Variants in KCNH7 observed in about 807,000 individuals in gnomAD.
KCNH7 encodes potassium voltage-gated channel subfamily H member 7.
Under a neutral mutation model 120.8 loss-of-function variants are expected in KCNH7, and 49 were observed. That is an observed-to-expected ratio of 0.41 (90% confidence interval 0.32 to 0.51). KCNH7 has a LOEUF of 0.51. Among genes scored for constraint, KCNH7 ranks in the 20% least tolerant of loss-of-function variants. The pLI is 0.38. For missense variants in KCNH7, 1,097 were observed against 1,446.6 expected (o/e 0.76, Z 3.92); for synonymous variants, 547 against 516.1 (o/e 1.06, Z -0.81).
chr2:162,773,877 T>C (rs1042159173), intron 2 of KCNH7, among the ~76,000 whole-genome samples: 3 of 152,224 alleles, frequency 2.0e-5, no homozygotes, highest in Non-Finnish European at 4.4e-5. Context: ...ATTGTCTTTC[T>C]CTTAAAATTA....
chr2:162,784,917 C>T (rs991037946), intron 2 of KCNH7: 10 of 152,146 alleles, frequency 6.6e-5, no homozygotes, highest in Non-Finnish European at 1.2e-4. Context: ...ATTTTAGAAA[C>T]ATTTAATTTA....
intron 2 of KCNH7, chr2:162,538,085 A>G (rs1197900421): frequency 6.6e-6 from 1 of 152,138 alleles, no homozygotes; most frequent in Non-Finnish European, 1.5e-5. Context: ...TTAAAATGCC[A>G]AAACTTCAGA....
chr2:162,814,726 G>A (rs370597902), intron 2 of KCNH7, among the ~76,000 whole-genome samples: 2 of 152,134 alleles, frequency 1.3e-5, no homozygotes, highest in Non-Finnish European at 2.9e-5. Context: ...ATCCTTCTAC[G>A]ATCATGGTGT....
intron 2 of KCNH7, among the ~76,000 whole-genome samples, chr2:162,569,820 G>A (rs553320082): frequency 2.9e-5 from 4 of 137,734 alleles, no homozygotes; most frequent in African/African-American, 1.1e-4. Context: ...GTTGTTCAGT[G>A]TCCATGTAGT....
intron 2 of KCNH7, among the ~76,000 whole-genome samples, chr2:162,544,605 T>A (rs533131889): frequency 6.6e-6 from 1 of 152,308 alleles, no homozygotes; most frequent in East Asian, 1.9e-4. Context: ...CTGAATTCCA[T>A]GACTTTTAAA....
intron 2 of KCNH7, among the ~76,000 whole-genome samples, chr2:162,710,679 A>C (rs1686896321): frequency 6.6e-6 from 1 of 152,190 alleles, no homozygotes; most frequent in African/African-American, 2.4e-5. Flanking sequence ...GGACTGCGTA[A>C]GGATGCAATA....
At chr2:162,745,419 A>G (rs771174302) in intron 2 of KCNH7, among the ~76,000 whole-genome samples, 4 of 152,220 alleles carry the variant, frequency 2.6e-5, no homozygotes, top group Admixed American at 6.5e-5. Flanking sequence ...ATTTAGAGCA[A>G]ATAAATGACA....
chr2:162,759,192 G>C lies in KCNH7; in HGVS notation c.307+77345C>G, dbSNP rs190186089. Among the ~76,000 whole-genome samples, 652 of 152,202 alleles carry C rather than the reference G, an allele frequency of 4.3e-3. 1 individual carries two copies. Among genetic ancestry groups the C allele is most frequent in the Non-Finnish European group, 7.2e-3 (492 of 67,986 alleles). The stretch of plus-strand genomic sequence containing the variant: ...TTAACTGTACTCTACGTAAAGAATA[G>C]ACTAGAGACCTTGGGACTTCTGGAT... On this transcript the variant is annotated intron_variant, in intron 2 of 15. Transcript: ENST00000332142.
chr2:162,450,966 C>T (rs1251558073), intron 6 of KCNH7, among the ~76,000 whole-genome samples: 1 of 151,990 alleles, frequency 6.6e-6, no homozygotes, highest in East Asian at 1.9e-4. Context: ...TGGAGAAATA[C>T]TTGTTTCTTT....
intron 3 of KCNH7, among the ~76,000 whole-genome samples, chr2:162,526,597 AAAG>A (rs1365595128): frequency 1.3e-5 from 2 of 151,976 alleles, no homozygotes; most frequent in Admixed American, 1.3e-4. Context: ...TTTGCTTTTG[AAAG>A]AAGAGAAATA....
intron 2 of KCNH7, among the ~76,000 whole-genome samples, chr2:162,726,149 C>T (rs1170368185): frequency 6.6e-6 from 1 of 152,080 alleles, no homozygotes; most frequent in African/African-American, 2.4e-5. Context: ...TAATTTTGAT[C>T]TATACACTAA....
chr2:162,698,427 G>A lies in KCNH7; in HGVS notation c.307+138110C>T, dbSNP rs577813447. On this transcript the variant is annotated intron_variant, in intron 2 of 15. Transcript: ENST00000332142. The stretch of plus-strand genomic sequence containing the variant: ...GTTTTGTAGGATAACTTTAATCGCC[G>A]TCTTTATTTTTTTTTTTTTAACTTC... 2.9e-3 allele frequency among the ~76,000 whole-genome samples: 392 copies of A among 137,290 alleles called. 2 individuals carry two copies. Among genetic ancestry groups the A allele is most frequent in the African/African-American group, 0.012 (371 of 29,920 alleles). The allele number at this position is 137,290 out of a possible 152,430, so 90.1% of individuals were successfully genotyped here.
chr2:162,797,450 C>A (rs1478430953), intron 2 of KCNH7: 2 of 151,966 alleles, frequency 1.3e-5, no homozygotes, highest in Non-Finnish European at 1.5e-5. Context: ...CTTTGGGAAC[C>A]AAGTTATTAT....
chr2:162,734,109 T>C (rs1489676445), intron 2 of KCNH7, among the ~76,000 whole-genome samples: 1 of 152,100 alleles, frequency 6.6e-6, no homozygotes, highest in East Asian at 1.9e-4. Context: ...CTCATTCCAT[T>C]ATTAAATTGT....
At chr2:162,782,637 G>T (rs1683542844) in intron 2 of KCNH7, among the ~76,000 whole-genome samples, 1 of 152,170 alleles carries the variant, frequency 6.6e-6, no homozygotes, top group Admixed American at 6.5e-5. Context: ...AATGAGGATA[G>T]AAACAGAGCC....
intron 2 of KCNH7, among the ~76,000 whole-genome samples, chr2:162,566,205 C>T (rs1179072666): frequency 6.6e-6 from 1 of 152,040 alleles, no homozygotes; most frequent in African/African-American, 2.4e-5. Context: ...TTATTCTGTG[C>T]TTCTCCTTTC....
At chr2:162,454,702 G>C (rs1421907558) in intron 6 of KCNH7, among the ~76,000 whole-genome samples, 1 of 151,864 alleles carries the variant, frequency 6.6e-6, no homozygotes, top group South Asian at 2.1e-4. Flanking sequence ...TGTAGCAATT[G>C]TGAACAGAAG....
chr2:162,794,102 A>T (rs997438007), intron 2 of KCNH7, among the ~76,000 whole-genome samples: 2 of 152,056 alleles, frequency 1.3e-5, no homozygotes, highest in African/African-American at 4.8e-5. Context: ...AAAAATAAAT[A>T]AAATTTACCT....
intron 2 of KCNH7, among the ~76,000 whole-genome samples, chr2:162,771,386 T>C (rs187236364): frequency 3.2e-4 from 49 of 152,258 alleles, no homozygotes; most frequent in Non-Finnish European, 5.3e-4. Context: ...GTTTCCCTCC[T>C]TTGTGTAGGT....
Sources: gnomAD v4.1 joint callset for allele counts (sites outside exome capture counted in the v4.1 genomes callset) on GRCh38, gnomAD v4.1.1 for gene constraint, MANE v1.5 for transcripts, NCBI Gene and HGNC (gene_info 2026-07-23, HGNC 2026-07-21) for gene names.